Variants in REEP6 observed in about 807,000 individuals in gnomAD.
REEP6 encodes receptor expression-enhancing protein 6.
Under a neutral mutation model 22.4 loss-of-function variants are expected in REEP6, and 19 were observed. That is an observed-to-expected ratio of 0.85 (90% CI 0.59 to 1.25). The LOEUF (loss-of-function observed/expected upper bound fraction) is 1.25, where lower values mean the gene tolerates loss of function less well. Among genes scored for constraint, REEP6 ranks in the 50% most tolerant of loss-of-function variants. The pLI, the probability that REEP6 is intolerant of heterozygous loss-of-function variation, is 0.00. For synonymous variants in REEP6, 121 were observed against 113.6 expected (o/e 1.06, Z -0.41); for missense variants, 273 against 251.9 (o/e 1.08, Z -0.57).
intron 1 of REEP6, among the ~76,000 whole-genome samples, chr19:1,492,793 C>T (rs1288649505): frequency 6.6e-6 from 1 of 152,192 alleles, no homozygotes; most frequent in East Asian, 1.9e-4. Flanking sequence ...CCAGAACAGT[C>T]TGAAGTCTGT....
At chr19:1,495,763 C>T (rs757124773) in intron 3 of REEP6, 156 bp downstream of exon 3, 3 of 1,046,434 alleles carry the variant, frequency 2.9e-6, no homozygotes, top group Admixed American at 5.2e-5. Flanking sequence ...TGTCCGGGGG[C>T]TGATGGTGGA....
rs1434277121 is a variant in REEP6, at chr19:1,497,747, C to T, written c.*536C>T. ...AGGAATCGTCGAAACAGCCTGCCAGCAGCGCCTCAGTGCCCGAGCTGGTCC... is the reference window on the plus strand; with the variant it reads ...AGGAATCGTCGAAACAGCCTGCCAGTAGCGCCTCAGTGCCCGAGCTGGTCC... On this transcript the variant is annotated 3_prime_UTR_variant, in exon 5 of 5. Transcript: ENST00000233596. The surrounding 1 kb of genome is among the most constrained non-coding windows in gnomAD (Gnocchi z 6.5). The T allele has an allele frequency of 2.1e-6, 1 of 471,062 alleles. No homozygotes were observed. Among genetic ancestry groups the T allele is most frequent in the South Asian group, 1.5e-5 (1 of 64,572 alleles). 29.2% of individuals were successfully genotyped at this position (471,062 alleles called of 1,614,324 possible). A position where few individuals can be genotyped will look rare whatever the true frequency, so the allele number is the denominator to read the frequency against.
intron 1 of REEP6, among the ~76,000 whole-genome samples, chr19:1,494,285 C>T (rs2084988186): frequency 1.3e-5 from 2 of 152,204 alleles, no homozygotes; most frequent in Admixed American, 6.5e-5. Context: ...TTTGCTGCCT[C>T]CAAGACAGGA....
rs147896705 is a variant in REEP6, at chr19:1,495,528, T to C, written c.269T>C (p.Val90Ala). The C allele has an allele frequency of 1.2e-6, 2 of 1,614,060 alleles. No homozygotes were observed. Among genetic ancestry groups the C allele is most frequent in the African/African-American group, 2.7e-5 (2 of 75,062 alleles). ...GACACTGTGTGGCTCACCTACTGGG[T>C]GGTGTACGCCCTGTTTGGGCTGGCC... is the stretch of plus-strand genomic sequence containing the variant. ...DDDTVWLTYW[V>A]VYALFGLAEF... Residue 90 changes from valine (V) to alanine (A), a missense_variant, in exon 3 of 5, where the codon GTG becomes GCG. Physicochemically the swap from Val to Ala is moderately conservative, Grantham distance 64. Transcript: ENST00000233596.
Position 1,495,492 on chromosome 19 carries a change from G to T in REEP6, c.233G>T (p.Ser78Ile). 6.2e-7 allele frequency: 1 copy of T among 1,614,032 alleles called. No individual in the cohort carries two copies. Among genetic ancestry groups the T allele is most frequent in the South Asian group, 1.1e-5 (1 of 91,090 alleles). The change falls in exon 3 of 5, where the codon AGC becomes ATC. Residue 78 changes from serine to isoleucine, a missense_variant. By Grantham distance (142) the Ser-to-Ile change is moderately radical. Coordinates refer to ENST00000233596, the MANE Select transcript of REEP6 (RefSeq NM_138393.4). ...AGAATCAAAGCTATCGAGAGCCCAA[G>T]CAAGGACGACGACACTGTGTGGCTC... ...YASIKAIESP[S>I]KDDDTVWLTY...
intron 1 of REEP6, among the ~76,000 whole-genome samples, chr19:1,492,509 G>A (rs1021115533): frequency 1.3e-5 from 2 of 152,094 alleles, no homozygotes; most frequent in African/African-American, 2.4e-5. Flanking sequence ...GGGCTCAAGC[G>A]ATCCTCCTGC....
rs1472702415 is a variant in REEP6 at position 1,496,643 on chromosome 19, C to T, written c.517+190C>T. On this transcript the variant is annotated intron_variant, in intron 4 of 4. Transcript: ENST00000233596. ...CAGGCATCACCCCGGTGGCTGTGGCCGGGCCCTCCACTCCCCTGGAAGCTG... is the reference window on the plus strand; with the variant it reads ...CAGGCATCACCCCGGTGGCTGTGGCTGGGCCCTCCACTCCCCTGGAAGCTG... The T allele has an allele frequency of 2.2e-5, 17 of 782,954 alleles. No homozygotes were observed. Among genetic ancestry groups the T allele is most frequent in the Admixed American group, 4.0e-5 (2 of 50,464 alleles). 48.5% of individuals were successfully genotyped at this position (782,954 alleles called of 1,614,324 possible).
Position 1,495,246 on chromosome 19 carries a change from G to A in REEP6, c.116-48G>A, listed in dbSNP as rs768198598. On this transcript the variant is annotated intron_variant, in intron 1 of 4. Transcript: ENST00000233596. ...AAGGCGGCCTGGGTACCGTCGTGGG[G>A]GCTCAGCGGGTCCCCAGCCCTGGCA... 18 of 1,581,072 alleles carry A rather than the reference G, an allele frequency of 1.1e-5. No individual in the cohort carries two copies. The South Asian group carries it at 1.5e-4, about 14-fold the overall frequency.
At chr19:1,493,219 A>G (rs566220068) in intron 1 of REEP6, among the ~76,000 whole-genome samples, 1 of 152,150 alleles carries the variant, frequency 6.6e-6, no homozygotes, top group African/African-American at 2.4e-5. Flanking sequence ...GCCCTGGGAG[A>G]GTCATTCCTC....
Position 1,491,461 on chromosome 19 carries a change from T to G in REEP6, c.115+77T>G. 8.7e-6 allele frequency: 9 copies of G among 1,030,420 alleles called. No individual in the cohort carries two copies. Among genetic ancestry groups the G allele is most frequent in the African/African-American group, 1.7e-5 (1 of 59,104 alleles). 63.8% of individuals were successfully genotyped at this position (1,030,420 alleles called of 1,614,324 possible). ...GCCTGGGGGTCGCAGACCGGACTCC[T>G]TCCCCGGCTACGGGGTCCGGTCCGG... On this transcript the variant is annotated intron_variant, in intron 1 of 4. Coordinates refer to ENST00000233596, the MANE Select transcript of REEP6 (RefSeq NM_138393.4). The surrounding 1 kb of genome is among the most constrained non-coding windows in gnomAD (Gnocchi z 5.4).
Position 1,491,188 on chromosome 19 carries a change from G to A in REEP6, c.-82G>A, listed in dbSNP as rs776721939. On this transcript the variant is annotated 5_prime_UTR_variant, in exon 1 of 5. Transcript: ENST00000233596. The surrounding 1 kb of genome is among the most constrained non-coding windows in gnomAD (Gnocchi z 5.4). The stretch of plus-strand genomic sequence containing the variant: ...GCCGGAGCATCGCGGCTCAGGCTGC[G>A]GGAAAGCGGTGCGCGTGCAGCGGGG... The A allele has an allele frequency of 2.0e-6, 2 of 1,013,248 alleles. No individual in the cohort carries two copies. The highest frequency in any genetic ancestry group is 3.9e-5 in the Admixed American group (1 of 25,546). The allele number at this position is 1,013,248 out of a possible 1,614,324, so 62.8% of individuals were successfully genotyped here.
chr19:1,496,461 C>T lies in REEP6; in HGVS notation c.517+8C>T, dbSNP rs535899123. On this transcript the variant is annotated splice_region_variant and intron_variant, in intron 4 of 4. Transcript: ENST00000233596. ...CCGGAATAACCAGGAACGGTGGGTG[C>T]TCGCAGGCGCCTGGCTGCCTCAGGC... 6 of 1,607,860 alleles carry T rather than the reference C, an allele frequency of 3.7e-6. No homozygotes were observed. In the East Asian group the frequency reaches 1.3e-4, roughly 36 times the overall value.
At position 1,497,745 on chromosome 19, in the gene REEP6, A is replaced by C; in HGVS notation, c.*534A>C. On this transcript the variant is annotated 3_prime_UTR_variant, in exon 5 of 5. Coordinates refer to ENST00000233596, the MANE Select transcript of REEP6 (RefSeq NM_138393.4). The surrounding 1 kb of genome is among the most constrained non-coding windows in gnomAD (Gnocchi z 6.5). ...GAAGGAATCGTCGAAACAGCCTGCCAGCAGCGCCTCAGTGCCCGAGCTGGT... is the reference window on the plus strand; with the variant it reads ...GAAGGAATCGTCGAAACAGCCTGCCCGCAGCGCCTCAGTGCCCGAGCTGGT... 1 of 470,976 alleles carries C rather than the reference A, an allele frequency of 2.1e-6. No individual in the cohort carries two copies. The highest frequency in any genetic ancestry group is 4.4e-6 in the Non-Finnish European group (1 of 227,252). The allele number at this position is 470,976 out of a possible 1,614,324, so 29.2% of individuals were successfully genotyped here. A position where few individuals can be genotyped will look rare whatever the true frequency, so the allele number is the denominator to read the frequency against.
In REEP6 at chr19:1,497,284, CAG is replaced by C. The variant is rs756057368; in HGVS notation, c.*76_*77del. 4.5e-6 allele frequency: 6 copies of C among 1,339,688 alleles called. No homozygotes were observed. Among genetic ancestry groups the C allele is most frequent in the African/African-American group, 4.3e-5 (3 of 69,098 alleles). The allele number at this position is 1,339,688 out of a possible 1,614,324, so 83.0% of individuals were successfully genotyped here. On this transcript the variant is annotated 3_prime_UTR_variant, in exon 5 of 5. Transcript: ENST00000233596. This position sits in a 1 kb window ranked among gnomAD's most constrained non-coding sequence, Gnocchi z 6.5. ...GCCGCGCCAGGCTCCCAGGCCTCCA[CAG>C]AGTCTTCAGCGCATCCCCCAACAGC... is the stretch of plus-strand genomic sequence containing the variant.
rs757931089 is a variant in REEP6 at position 1,497,189 on chromosome 19, C to T, written c.533C>T (p.Thr178Ile). 2 of 1,486,438 alleles carry T rather than the reference C, an allele frequency of 1.3e-6. No homozygotes were observed. The highest frequency in any genetic ancestry group is 2.8e-5 in the South Asian group (2 of 72,244). 92.1% of individuals were successfully genotyped at this position (1,486,438 alleles called of 1,614,324 possible). Residue 178 changes from threonine to isoleucine, a missense_variant, in exon 5 of 5, where the codon ACC (threonine) becomes ATC (isoleucine). Coordinates refer to ENST00000233596, the MANE Select transcript of REEP6 (RefSeq NM_138393.4). This position sits in a 1 kb window ranked among gnomAD's most constrained non-coding sequence, Gnocchi z 6.5. ...CTCTCTGCAGTCAAGCCAAGCCAGACCCCGCAGCCGAAGGACAAGTGAAGC... is the reference window on the plus strand; with the variant it reads ...CTCTCTGCAGTCAAGCCAAGCCAGATCCCGCAGCCGAAGGACAAGTGAAGC... Reference protein sequence around the residue: ...GITRNVKPSQTPQPKDK With the variant: ...GITRNVKPSQIPQPKDK
intron 1 of REEP6, 118 bp from the exon 2 acceptor site, chr19:1,495,176 G>A (rs1294802507): frequency 7.9e-6 from 7 of 886,240 alleles, no homozygotes; most frequent in Admixed American, 1.9e-5. Flanking sequence ...ATATCCTGGA[G>A]GCGGCTCCTG....
intron 3 of REEP6, 182 bp downstream of exon 3, chr19:1,495,789 G>C: frequency 1.4e-6 from 1 of 737,244 alleles, no homozygotes. Flanking sequence ...CACCCTGAAG[G>C]GTGTCTGATG....
At chr19:1,495,222 A>G (rs1205757127) in intron 1 of REEP6, 72 bp from the exon 2 acceptor site, 1 of 1,474,560 alleles carries the variant, frequency 6.8e-7, no homozygotes, top group African/African-American at 1.4e-5. Flanking sequence ...GTCGACTGAA[A>G]GGCGGCCTGG....
In REEP6 at chr19:1,497,218, C is replaced by A. The variant is rs1235467445; in HGVS notation, c.*7C>A. The stretch of plus-strand genomic sequence containing the variant: ...GCAGCCGAAGGACAAGTGAAGCAGC[C>A]CCCTGAGCCTCACAAGGACCTCCTG... On this transcript the variant is annotated 3_prime_UTR_variant, in exon 5 of 5. Transcript: ENST00000233596. This position sits in a 1 kb window ranked among gnomAD's most constrained non-coding sequence, Gnocchi z 6.5. 1 of 1,538,974 alleles carries A rather than the reference C, an allele frequency of 6.5e-7. No individual in the cohort carries two copies.
Sources: allele counts gnomAD v4.1 joint callset (sites outside exome capture counted in the v4.1 genomes callset), GRCh38; gene constraint gnomAD v4.1.1; non-coding constraint Gnocchi (gnomAD v3.1); transcripts MANE v1.5; gene names NCBI Gene and HGNC (gene_info 2026-07-23, HGNC 2026-07-21).